Variants in PPARGC1A observed in about 807,000 individuals in gnomAD.
PPARGC1A encodes the protein PPARG coactivator 1 alpha, also known as peroxisome proliferator-activated receptor gamma coactivator 1-alpha.
A neutral mutation model predicts 88.7 loss-of-function variants in PPARGC1A; 25 were observed. The observed-to-expected ratio is 0.28, with a 90% confidence interval of 0.21 to 0.39. The LOEUF (loss-of-function observed/expected upper bound fraction) is 0.39. Among genes scored for constraint, PPARGC1A ranks in the 10% least tolerant of loss-of-function variants. The pLI is 1.00. For synonymous variants in PPARGC1A, 363 were observed against 355.6 expected (o/e 1.02, Z -0.24); for missense variants, 880 against 968.7 (o/e 0.91, Z 1.22).
At position 23,813,784 on chromosome 4, in the gene PPARGC1A, A is replaced by G; in HGVS notation, c.1699T>C (p.Ser567Pro). 1 of 1,613,376 alleles carries G rather than the reference A, an allele frequency of 6.2e-7. No homozygotes were observed. The highest frequency in any genetic ancestry group is 8.5e-7 in the Non-Finnish European group (1 of 1,179,310). ...LFSQRPQRMR[S>P]RSRSFSRHRS... ...TGTCGAGAAAAGGACCTTGAACGAG[A>G]GCGCATCCTTTGGGGTCTTTGAGAA... The change falls in exon 8 of 13, where the codon TCT becomes CCT. Residue 567 changes from serine to proline, a missense_variant. By Grantham distance (74) the Ser-to-Pro change is moderately conservative. Transcript: ENST00000264867.
chr4:24,426,385 A>T, the PPARGC1A span, among the ~76,000 whole-genome samples: 1 of 152,146 alleles, frequency 6.6e-6, no homozygotes, highest in Admixed American at 6.5e-5. Context: ...TTTCAAATAA[A>T]CTTCAATCTC....
the PPARGC1A span, among the ~76,000 whole-genome samples, chr4:24,139,398 CTTAA>C: frequency 6.6e-6 from 1 of 152,020 alleles, no homozygotes; most frequent in Non-Finnish European, 1.5e-5. Flanking sequence ...CTAGAAACTT[CTTAA>C]TGACACATTT....
At chr4:23,838,440 G>A (rs1726436775) in intron 2 of PPARGC1A, among the ~76,000 whole-genome samples, 1 of 152,120 alleles carries the variant, frequency 6.6e-6, no homozygotes, top group South Asian at 2.1e-4. Flanking sequence ...ATGAAATACA[G>A]GGCTGAGAAT....
At chr4:24,224,673 A>G in the PPARGC1A span, among the ~76,000 whole-genome samples, 1 of 152,306 alleles carries the variant, frequency 6.6e-6, no homozygotes, top group East Asian at 1.9e-4. Context: ...TATGGTGCAA[A>G]TGGGGGCAAA....
intron 2 of PPARGC1A, among the ~76,000 whole-genome samples, chr4:23,873,802 A>G (rs946391454): frequency 5.9e-5 from 9 of 152,318 alleles, no homozygotes; most frequent in Admixed American, 2.0e-4. Context: ...TAGAAAGAAA[A>G]AAAAAGAAGT....
chr4:24,240,863 G>T, the PPARGC1A span, among the ~76,000 whole-genome samples: 1 of 152,134 alleles, frequency 6.6e-6, no homozygotes, highest in Non-Finnish European at 1.5e-5. Context: ...AGGGAGAAGA[G>T]CCTCTCCCCA....
the PPARGC1A span, among the ~76,000 whole-genome samples, chr4:24,106,961 T>C: frequency 6.6e-6 from 1 of 152,210 alleles, no homozygotes; most frequent in East Asian, 1.9e-4. Flanking sequence ...TAGAGTGCTT[T>C]GTGATATAGC....
chr4:24,337,550 A>G, the PPARGC1A span, among the ~76,000 whole-genome samples: 1 of 152,134 alleles, frequency 6.6e-6, no homozygotes, highest in Non-Finnish European at 1.5e-5. Context: ...AGGAGCCCCT[A>G]CTGAGCGTGG....
At chr4:24,422,628 GAA>G in the PPARGC1A span, among the ~76,000 whole-genome samples, 8,373 of 116,118 alleles carry the variant, frequency 0.072, 321 homozygotes, top group Middle Eastern at 0.13. Context: ...CTTTAAAAAT[GAA>G]AAAAAAAAAA....
chr4:24,106,662 GT>G, the PPARGC1A span, among the ~76,000 whole-genome samples: 33 of 152,336 alleles, frequency 2.2e-4, no homozygotes, highest in African/African-American at 7.7e-4. Flanking sequence ...ATATGAGGTA[GT>G]TTAGTTGGTT....
chr4:24,008,938 C>T, the PPARGC1A span, among the ~76,000 whole-genome samples: 15 of 151,932 alleles, frequency 9.9e-5, no homozygotes, highest in South Asian at 1.5e-3. Flanking sequence ...TCTTTTCCCG[C>T]GGTTTATATA....
chr4:24,185,741 T>C, the PPARGC1A span, among the ~76,000 whole-genome samples: 17 of 152,082 alleles, frequency 1.1e-4, no homozygotes, highest in African/African-American at 4.1e-4. Flanking sequence ...AAAGCACTAA[T>C]GTGTCATCTA....
chr4:24,364,429 G>A, the PPARGC1A span, among the ~76,000 whole-genome samples: 1 of 152,172 alleles, frequency 6.6e-6, no homozygotes, highest in Non-Finnish European at 1.5e-5. Context: ...TTCCTGTCAA[G>A]CTGCTTCCAG....
At chr4:24,057,593 T>G in the PPARGC1A span, among the ~76,000 whole-genome samples, 1 of 152,168 alleles carries the variant, frequency 6.6e-6, no homozygotes, top group Non-Finnish European at 1.5e-5. Context: ...ACCATTGGCA[T>G]AGACGGCAGG....
At chr4:23,916,239 C>A in the PPARGC1A span, among the ~76,000 whole-genome samples, 1 of 152,164 alleles carries the variant, frequency 6.6e-6, no homozygotes. Context: ...TAATAACTAC[C>A]TTTGGCATAG....
chr4:23,865,972 C>A (rs535190676), intron 2 of PPARGC1A: 2 of 151,372 alleles, frequency 1.3e-5, no homozygotes, highest in Admixed American at 1.3e-4. Context: ...CACACACACG[C>A]ACACATGTAC....
At chr4:24,247,928 C>T in the PPARGC1A span, among the ~76,000 whole-genome samples, 1 of 152,168 alleles carries the variant, frequency 6.6e-6, no homozygotes, top group African/African-American at 2.4e-5. Flanking sequence ...TGCTTTCCCC[C>T]ACCTAATATC....
the PPARGC1A span, among the ~76,000 whole-genome samples, chr4:24,296,097 CATAT>C: frequency 1.3e-5 from 2 of 150,020 alleles, no homozygotes; most frequent in African/African-American, 2.4e-5. Context: ...TACACACATA[CATAT>C]ATATGTACAT....
At chr4:24,081,481 G>C in the PPARGC1A span, among the ~76,000 whole-genome samples, 2 of 152,134 alleles carry the variant, frequency 1.3e-5, no homozygotes, top group Non-Finnish European at 2.9e-5. Flanking sequence ...TACTGGCTAT[G>C]TAATAGACCT....
Sources: allele counts gnomAD v4.1 joint callset (sites outside exome capture counted in the v4.1 genomes callset), GRCh38; gene constraint gnomAD v4.1.1; transcripts MANE v1.5; gene names NCBI Gene and HGNC (gene_info 2026-07-23, HGNC 2026-07-21).